The following STX1B variants were observed in gnomAD, a reference collection of about 807,000 sequenced individuals.
The protein encoded by STX1B is syntaxin 1B.
Under a neutral mutation model 39.4 loss-of-function variants are expected in STX1B, and 7 were observed. The ratio of observed to expected loss-of-function variants is 0.18; its 90% CI spans 0.10 to 0.33. STX1B has a LOEUF of 0.33. Among genes scored for constraint, STX1B ranks in the 10% least tolerant of loss-of-function variants. The probability of loss-of-function intolerance (pLI) is 1.00; values close to 1 mark genes in which losing one functional copy is unlikely to be tolerated. For missense variants in STX1B, 198 were observed against 383.2 expected, an observed-to-expected ratio of 0.52 and a Z score of 4.04; for synonymous variants, 136 against 144.1, an observed-to-expected ratio of 0.94 and a Z score of 0.40.
In STX1B at chr16:30,990,989, T is replaced by C. The variant is rs962478370; in HGVS notation, c.*1832A>G. ...AAATAGACATTTCCCCAAACCCGAG[T>C]TCCCTGAGGCAGAGCCCAGAGCATC... On this transcript the variant is annotated 3_prime_UTR_variant, in exon 10 of 10. Coordinates refer to ENST00000215095, the MANE Select transcript of STX1B (RefSeq NM_052874.5). 4.6e-5 allele frequency: 7 copies of C among 152,306 alleles called. No homozygotes were observed. Among genetic ancestry groups the C allele is most frequent in the African/African-American group, 1.7e-4 (7 of 41,408 alleles). The allele number at this position is 152,306 out of a possible 1,614,324, so 9.4% of individuals were successfully genotyped here. A position where few individuals can be genotyped will look rare whatever the true frequency, so the allele number is the denominator to read the frequency against.
At chr16:30,997,675 C>A in intron 4 of STX1B, 100 bp from the exon 5 acceptor site, 1 of 1,179,644 alleles carries the variant, frequency 8.5e-7, no homozygotes, top group East Asian at 2.6e-5. Context: ...AGCGCCAGGC[C>A]CGGGGAGAAA....
At chr16:30,997,314 G>T (rs927226842) in intron 5 of STX1B, among the ~76,000 whole-genome samples, 188 bp downstream of exon 5, 4 of 152,118 alleles carry the variant, frequency 2.6e-5, no homozygotes, top group Non-Finnish European at 5.9e-5. Flanking sequence ...GCTGAGATGC[G>T]GCTCGACCCC....
chr16:31,000,955 C>A lies in STX1B; in HGVS notation c.253G>T (p.Ala85Ser), dbSNP rs1412773144. 2 of 1,614,030 alleles carry A rather than the reference C, an allele frequency of 1.2e-6. No individual in the cohort carries two copies. The highest frequency in any genetic ancestry group is 2.7e-5 in the African/African-American group (2 of 74,904). The change falls in exon 4 of 10, where the codon GCC becomes TCC. Residue 85 changes from alanine (A) to serine (S), a missense_variant. Transcript: ENST00000215095. ...EDLTADIKKT[A>S]NKVRSKLKAI... ...TTCAATTTGGACCGAACCTTGTTGG[C>A]CGTCTTCTTGATGTCTGCAGTGAGA...
At chr16:31,003,190 T>C (rs1426340695) in intron 1 of STX1B, among the ~76,000 whole-genome samples, 1 of 151,806 alleles carries the variant, frequency 6.6e-6, no homozygotes, top group African/African-American at 2.4e-5. Flanking sequence ...CTCCAGGGAG[T>C]CTTCACACAG....
intron 7 of STX1B, 128 bp from the exon 8 acceptor site, chr16:30,993,612 T>A: frequency 9.6e-7 from 1 of 1,040,148 alleles, no homozygotes; most frequent in Non-Finnish European, 1.4e-6. Context: ...ATTCACCTGC[T>A]CTTGGCCTCA....
intron 4 of STX1B, among the ~76,000 whole-genome samples, chr16:31,000,598 T>A (rs779044563): frequency 2.6e-5 from 4 of 151,974 alleles, no homozygotes; most frequent in Non-Finnish European, 5.9e-5. Flanking sequence ...GTTCAAGCAA[T>A]TCTCTGCCTC....
At chr16:31,004,854 G>T (rs1352445718) in intron 1 of STX1B, among the ~76,000 whole-genome samples, 1 of 152,110 alleles carries the variant, frequency 6.6e-6, no homozygotes, top group African/African-American at 2.4e-5. Flanking sequence ...AAGCTTCACA[G>T]CAAATGAGGC....
rs138742452 is a variant in STX1B at position 31,005,630 on chromosome 16, C to T, written c.31-4027G>A. 2.0e-3 allele frequency among the ~76,000 whole-genome samples: 301 copies of T among 152,054 alleles called. 1 individual carries two copies. Among genetic ancestry groups the T allele is most frequent in the African/African-American group, 6.9e-3 (286 of 41,510 alleles). Reference sequence around the variant, plus strand: ...GCCTGCATCTCTTGTTTAATCCTCACGACCACTCCATGAGGTCATATTCTT... The same window carrying T: ...GCCTGCATCTCTTGTTTAATCCTCATGACCACTCCATGAGGTCATATTCTT... On this transcript the variant is annotated intron_variant, in intron 1 of 9. Coordinates refer to ENST00000215095, the MANE Select transcript of STX1B (RefSeq NM_052874.5).
chr16:30,995,692 T>C (rs1300832035), intron 7 of STX1B, among the ~76,000 whole-genome samples: 1 of 151,856 alleles, frequency 6.6e-6, no homozygotes, highest in African/African-American at 2.4e-5. Context: ...AGTTTTGCCA[T>C]GTTGGCCAGG....
intron 4 of STX1B, among the ~76,000 whole-genome samples, chr16:30,999,767 T>C (rs1055069507): frequency 1.3e-5 from 2 of 152,148 alleles, no homozygotes; most frequent in African/African-American, 4.8e-5. Flanking sequence ...TCGAAGCCAC[T>C]CGGAAGATCA....
intron 1 of STX1B, among the ~76,000 whole-genome samples, chr16:31,005,660 T>A (rs2056651629): frequency 6.6e-6 from 1 of 152,044 alleles, no homozygotes; most frequent in South Asian, 2.1e-4. Context: ...ATTCTTATTC[T>A]CACTGGACAG....
intron 6 of STX1B, 54 bp downstream of exon 6, chr16:30,996,897 G>A (rs2056595551): frequency 2.5e-6 from 4 of 1,576,294 alleles, no homozygotes; most frequent in East Asian, 4.5e-5. Context: ...TGCCTGGAAG[G>A]GGGCTTGGGC....
chr16:30,996,662 C>T, intron 7 of STX1B, 21 bp downstream of exon 7: 1 of 1,611,030 alleles, frequency 6.2e-7, no homozygotes, highest in Non-Finnish European at 8.5e-7. Context: ...AAAAGCAGAG[C>T]CCGCCCCACC....
intron 4 of STX1B, among the ~76,000 whole-genome samples, chr16:30,998,790 G>A (rs2056609065): frequency 6.6e-6 from 1 of 152,124 alleles, no homozygotes; most frequent in African/African-American, 2.4e-5. Flanking sequence ...CTCACCCACA[G>A]AGCCCTCCCC....
At position 30,996,951 on chromosome 16, in the gene STX1B, T is replaced by C. The variant is rs1327694789; in HGVS notation, c.463A>G (p.Thr155Ala). Residue 155 changes from threonine to alanine, a missense_variant and splice_region_variant, in exon 6 of 10, where the codon ACT (threonine) becomes GCT (alanine). Thr to Ala is a moderately conservative substitution (Grantham distance 58). Coordinates refer to ENST00000215095, the MANE Select transcript of STX1B (RefSeq NM_052874.5). ...KDRIQRQLEI[T>A]GRTTTNEELE... ...GTCCTGGGGTGGGGGGCACACGCACTGATCTCCAGTTGCCGCTGGATCCGG... is the reference window on the plus strand; with the variant it reads ...GTCCTGGGGTGGGGGGCACACGCACCGATCTCCAGTTGCCGCTGGATCCGG... 49 of 1,612,528 alleles carry C rather than the reference T, an allele frequency of 3.0e-5. No homozygotes were observed. The highest frequency in any genetic ancestry group is 4.1e-5 in the Non-Finnish European group (48 of 1,179,504).
intron 1 of STX1B, among the ~76,000 whole-genome samples, chr16:31,007,403 C>T (rs2056660085): frequency 6.6e-6 from 1 of 152,184 alleles, no homozygotes; most frequent in African/African-American, 2.4e-5. Flanking sequence ...GACCTCAGCC[C>T]TCCCTGTGCC....
intron 4 of STX1B, among the ~76,000 whole-genome samples, chr16:30,998,239 C>G (rs1263824242): frequency 1.3e-5 from 2 of 152,242 alleles, no homozygotes; most frequent in African/African-American, 4.8e-5. Context: ...TTCCGATTTT[C>G]TAAAAAAGAG....
At chr16:31,009,005 A>G (rs569225745) in intron 1 of STX1B, among the ~76,000 whole-genome samples, 1 of 152,270 alleles carries the variant, frequency 6.6e-6, no homozygotes, top group African/African-American at 2.4e-5. Flanking sequence ...GTGTATATTC[A>G]GTAAAAATGT....
At chr16:30,996,657 C>CA (rs773813930) in intron 7 of STX1B, 26 bp downstream of exon 7, 1 of 1,608,406 alleles carries the variant, frequency 6.2e-7, no homozygotes, top group Non-Finnish European at 8.5e-7. Context: ...TTTCCAAAAG[C>CA]AGAGCCCGCC....
Sources: gnomAD v4.1 joint callset for allele counts (sites outside exome capture counted in the v4.1 genomes callset) on GRCh38, gnomAD v4.1.1 for gene constraint, MANE v1.5 for transcripts, NCBI Gene and HGNC (gene_info 2026-07-23, HGNC 2026-07-21) for gene names.